Variants in NUMB observed in about 807,000 individuals in gnomAD.
NUMB encodes NUMB endocytic adaptor protein.
A neutral mutation model predicts 59.7 loss-of-function variants in NUMB; 29 were observed. That is an observed-to-expected ratio of 0.49 (90% CI 0.36 to 0.66). The LOEUF is 0.66. NUMB is among the 30% of genes least tolerant of loss of function. The pLI, the probability that NUMB is intolerant of heterozygous loss-of-function variation, is 0.00. For missense variants in NUMB, 723 were observed against 822.0 expected, an observed-to-expected ratio of 0.88 and a Z score of 1.47; for synonymous variants, 288 against 288.2, an observed-to-expected ratio of 1.00 and a Z score of 0.01.
intron 7 of NUMB, among the ~76,000 whole-genome samples, chr14:73,295,265 G>C (rs1050708435): frequency 6.6e-6 from 1 of 152,016 alleles, no homozygotes; most frequent in African/African-American, 2.4e-5. Flanking sequence ...ATTAGTTCCC[G>C]CTTATAGTGA....
chr14:73,293,115 A>G (rs1417015051), intron 7 of NUMB, among the ~76,000 whole-genome samples: 1 of 152,208 alleles, frequency 6.6e-6, no homozygotes, highest in Non-Finnish European at 1.5e-5. Flanking sequence ...TGTTGATTCT[A>G]GTTTTACATC....
intron 2 of NUMB, among the ~76,000 whole-genome samples, chr14:73,392,736 T>A (rs1895913424): frequency 6.6e-6 from 1 of 152,190 alleles, no homozygotes; most frequent in South Asian, 2.1e-4. Flanking sequence ...TCTATTATAT[T>A]AAGACACCAT....
chr14:73,383,902 G>C (rs1380922585), intron 2 of NUMB, among the ~76,000 whole-genome samples: 1 of 152,060 alleles, frequency 6.6e-6, no homozygotes, highest in East Asian at 1.9e-4. Context: ...TATAGTCCCA[G>C]CTACTGGGAG....
chr14:73,343,495 A>AC (rs1892747867), intron 4 of NUMB, among the ~76,000 whole-genome samples: 1 of 152,136 alleles, frequency 6.6e-6, no homozygotes, highest in Admixed American at 6.5e-5. Flanking sequence ...GGAAGAACCT[A>AC]CCTCCCTTGA....
At chr14:73,361,175 C>T (rs1160033918) in intron 3 of NUMB, among the ~76,000 whole-genome samples, 2 of 152,182 alleles carry the variant, frequency 1.3e-5, no homozygotes, top group Admixed American at 1.3e-4. Flanking sequence ...TAGGTGTGAA[C>T]CACTGCACAT....
chr14:73,385,858 C>T (rs896613346), intron 2 of NUMB, among the ~76,000 whole-genome samples: 4 of 151,998 alleles, frequency 2.6e-5, no homozygotes, highest in African/African-American at 9.7e-5. Flanking sequence ...TAGTAATGAT[C>T]GGAGTAATTG....
intron 3 of NUMB, among the ~76,000 whole-genome samples, chr14:73,360,180 CATA>C (rs1268993413): frequency 2.6e-5 from 4 of 152,204 alleles, no homozygotes; most frequent in Admixed American, 1.3e-4. Context: ...GTCAGTATGG[CATA>C]ATAATTCACA....
At chr14:73,456,111 CT>C (rs11413301) in intron 1 of NUMB, among the ~76,000 whole-genome samples, 2,487 of 142,634 alleles carry the variant, frequency 0.017, 16 homozygotes, top group African/African-American at 0.027. Flanking sequence ...CCAAAAAAAC[CT>C]TTTTTTTTTT....
At chr14:73,312,713 CAAAAAA>C (rs544005367) in intron 6 of NUMB, among the ~76,000 whole-genome samples, 1 of 64,104 alleles carries the variant, frequency 1.6e-5, no homozygotes, top group African/African-American at 4.8e-5. Flanking sequence ...GACCCTGTCT[CAAAAAA>C]AAAAAAAAAA....
chr14:73,359,880 A>G (rs1336013598), intron 3 of NUMB, among the ~76,000 whole-genome samples: 1 of 151,408 alleles, frequency 6.6e-6, no homozygotes, highest in Non-Finnish European at 1.5e-5. Flanking sequence ...CTCACCCCCG[A>G]CTCTCCCCTT....
intron 2 of NUMB, among the ~76,000 whole-genome samples, chr14:73,384,612 C>T (rs188071580): frequency 0.01 from 1,530 of 152,240 alleles, 19 homozygotes; most frequent in Non-Finnish European, 0.015. Flanking sequence ...CTCTCGCCTA[C>T]GCTGGAGTGC....
chr14:73,315,956 G>A (rs1421679998), intron 6 of NUMB, among the ~76,000 whole-genome samples: 1 of 151,794 alleles, frequency 6.6e-6, no homozygotes, highest in Admixed American at 6.6e-5. Flanking sequence ...GCGTGATCTC[G>A]GCTCACTGCA....
chr14:73,386,863 T>C (rs1190765883), intron 2 of NUMB, among the ~76,000 whole-genome samples: 3 of 121,846 alleles, frequency 2.5e-5, no homozygotes, highest in African/African-American at 3.6e-5. Flanking sequence ...CTATCAGGTG[T>C]CTTATTTTTT....
chr14:73,335,302 C>CAAAAAAA (rs10556271), intron 4 of NUMB, among the ~76,000 whole-genome samples: 147 of 100,210 alleles, frequency 1.5e-3, no homozygotes, highest in East Asian at 1.8e-3. Flanking sequence ...GCCAAAAAGA[C>CAAAAAAA]AAAAAAAAAA....
chr14:73,439,971 T>A (rs150630081), intron 1 of NUMB, among the ~76,000 whole-genome samples: 2 of 152,186 alleles, frequency 1.3e-5, no homozygotes, highest in African/African-American at 2.4e-5. Context: ...GATGAAATTA[T>A]ATACAACCTG....
intron 4 of NUMB, among the ~76,000 whole-genome samples, chr14:73,353,072 G>GTTGTTTTTTTTTT (rs1893522798): frequency 3.4e-5 from 2 of 58,514 alleles, no homozygotes. Context: ...AGTTTTTCTT[G>GTTGTTTTTTTTTT]TTTTTTTTTT....
At chr14:73,421,503 T>C (rs1005589002) in intron 1 of NUMB, among the ~76,000 whole-genome samples, 2 of 152,160 alleles carry the variant, frequency 1.3e-5, no homozygotes, top group African/African-American at 4.8e-5. Flanking sequence ...TAATAAAATA[T>C]TTTAATATGC....
intron 4 of NUMB, among the ~76,000 whole-genome samples, chr14:73,326,788 C>A (rs2139934809): frequency 6.6e-6 from 1 of 152,258 alleles, no homozygotes; most frequent in East Asian, 1.9e-4. Flanking sequence ...CTACTGTGTG[C>A]CAGAAACTGT....
rs60481217 is a variant in NUMB, at chr14:73,367,330, C to T, written c.-100-349G>A. Reference sequence around the variant, plus strand: ...ACACACACACACACACACATATATACATATATATATATATATATAGAGAGA... The same window carrying T: ...ACACACACACACACACACATATATATATATATATATATATATATAGAGAGA... On this transcript the variant is annotated intron_variant, in intron 2 of 12. Coordinates refer to ENST00000555238, the MANE Select transcript of NUMB (RefSeq NM_001005743.2). Among the ~76,000 whole-genome samples, 314 of 116,034 alleles carry T rather than the reference C, an allele frequency of 2.7e-3. 1 individual carries two copies. Among genetic ancestry groups the T allele is most frequent in the African/African-American group, 9.5e-3 (229 of 24,068 alleles). 76.1% of individuals were successfully genotyped at this position (116,034 alleles called of 152,430 possible). A position where few individuals can be genotyped will look rare whatever the true frequency, so the allele number is the denominator to read the frequency against.
Sources: gnomAD v4.1 joint callset for allele counts (sites outside exome capture counted in the v4.1 genomes callset) on GRCh38, gnomAD v4.1.1 for gene constraint, MANE v1.5 for transcripts, NCBI Gene and HGNC (gene_info 2026-07-23, HGNC 2026-07-21) for gene names.